DHCR7: variants seen among roughly 807,000 people sequenced by gnomAD.
DHCR7 encodes the protein 7-DHC reductase.
In DHCR7, 40 loss-of-function variants were observed where a neutral mutation model predicts 43.3. That is an observed-to-expected ratio of 0.92 (90% CI 0.72 to 1.20). The LOEUF is 1.20. DHCR7 is among the 50% of genes most tolerant of loss of function. The probability of loss-of-function intolerance (pLI) is 0.00; values close to 1 mark genes in which losing one functional copy is unlikely to be tolerated. For missense variants in DHCR7, 608 were observed against 644.6 expected (o/e 0.94, Z 0.62); for synonymous variants, 298 against 271.4 (o/e 1.10, Z -0.96).
intron 2 of DHCR7, among the ~76,000 whole-genome samples, chr11:71,446,816 T>C (rs1192309734): frequency 2.6e-5 from 4 of 152,248 alleles, no homozygotes; most frequent in Non-Finnish European, 5.9e-5. Context: ...ACCGTGTCTC[T>C]CTCCGGCCCC....
rs201466849 is a variant in DHCR7 at position 71,442,275 on chromosome 11, C to A, written c.400G>T (p.Val134Leu). The A allele has an allele frequency of 6.1e-5, 98 of 1,612,810 alleles. No homozygotes were observed. The African/African-American group carries it at 1.1e-3, about 18-fold the overall frequency. ...GGGAGGAGGCTACCTGCAGGAGTCA[C>A]GGCCCCCTCCTGGATGCCTCCTACG... ...GYVGGIQEGA[V>L]TPAGVVNKYQ... The change falls in exon 5 of 9, where the codon GTG (valine) becomes TTG (leucine). Residue 134 changes from valine (V) to leucine (L), a missense_variant. Coordinates refer to ENST00000355527, the MANE Select transcript of DHCR7 (RefSeq NM_001360.3).
chr11:71,435,155 G>C lies in DHCR7; in HGVS notation c.*220C>G, dbSNP rs1949257242. The stretch of plus-strand genomic sequence containing the variant: ...CACTGATTAGAGAAAATCCGTCTGT[G>C]CTGGCAATACGGCAGTGCTGGACAC... On this transcript the variant is annotated 3_prime_UTR_variant, in exon 9 of 9. Coordinates refer to ENST00000355527, the MANE Select transcript of DHCR7 (RefSeq NM_001360.3). 1.4e-6 allele frequency: 1 copy of C among 695,198 alleles called. No individual in the cohort carries two copies. Among genetic ancestry groups the C allele is most frequent in the Admixed American group, 2.0e-5 (1 of 49,614 alleles). 43.1% of individuals were successfully genotyped at this position (695,198 alleles called of 1,614,324 possible). A position where few individuals can be genotyped will look rare whatever the true frequency, so the allele number is the denominator to read the frequency against.
chr11:71,437,279 G>A (rs1949293907), intron 8 of DHCR7, among the ~76,000 whole-genome samples: 1 of 152,198 alleles, frequency 6.6e-6, no homozygotes, highest in South Asian at 2.1e-4. Flanking sequence ...AGTGCCCTGG[G>A]GTGAGTTATT....
At chr11:71,440,258 A>G (rs1949334391) in intron 6 of DHCR7, among the ~76,000 whole-genome samples, 1 of 152,202 alleles carries the variant, frequency 6.6e-6, no homozygotes, top group Non-Finnish European at 1.5e-5. Flanking sequence ...GTTGACCTGG[A>G]TGAGATGATG....
At chr11:71,445,728 TG>T (rs1949397646) in intron 2 of DHCR7, among the ~76,000 whole-genome samples, 1 of 152,208 alleles carries the variant, frequency 6.6e-6, no homozygotes, top group Admixed American at 6.5e-5. Context: ...CTGCTCTACA[TG>T]GTTATAATTT....
At chr11:71,437,983 CT>C in intron 7 of DHCR7, 40 bp from the exon 8 acceptor site, 1 of 1,607,894 alleles carries the variant, frequency 6.2e-7, no homozygotes, top group Non-Finnish European at 8.5e-7. Flanking sequence ...CCCGGCCCTC[CT>C]GGGGCCCCCA....
chr11:71,441,397 G>A lies in DHCR7; in HGVS notation c.456C>T (p.Leu152=). The part of the protein sequence containing the change: ...KYQINGLQAW[L]LTHLLWFANA... ...TTGCAAACCAGAGCAGGTGCGTGAG[G>A]AGCCAGGCTTGCAGGCCATTGATCT... Residue 152 remains leucine, a synonymous_variant, in exon 6 of 9, where the codon CTC becomes CTT. Transcript: ENST00000355527. 5 of 1,614,112 alleles carry A rather than the reference G, an allele frequency of 3.1e-6. 1 individual carries two copies. Among genetic ancestry groups the A allele is most frequent in the South Asian group, 2.2e-5 (2 of 91,072 alleles).
At chr11:71,441,095 C>T in intron 6 of DHCR7, 132 bp downstream of exon 6, 2 of 843,624 alleles carry the variant, frequency 2.4e-6, no homozygotes, top group Middle Eastern at 3.2e-4. Context: ...GAAGCAAGTT[C>T]CATCCCCCTC....
intron 7 of DHCR7, 103 bp downstream of exon 7, chr11:71,438,774 CTT>C: frequency 1.6e-6 from 2 of 1,264,134 alleles, no homozygotes; most frequent in Non-Finnish European, 2.2e-6. Flanking sequence ...AGCTGACTCT[CTT>C]TTACAAGCAG....
chr11:71,439,237 C>G (rs1949324243), intron 6 of DHCR7, among the ~76,000 whole-genome samples, 154 bp from the exon 7 acceptor site: 1 of 152,218 alleles, frequency 6.6e-6, no homozygotes, highest in Admixed American at 6.5e-5. Context: ...CTGGGACCCC[C>G]ACGGCTGGAA....
intron 7 of DHCR7, 101 bp downstream of exon 7, chr11:71,438,778 T>C: frequency 1.6e-6 from 2 of 1,283,974 alleles, no homozygotes; most frequent in East Asian, 4.9e-5. Context: ...GACTCTCTTT[T>C]ACAAGCAGTA....
chr11:71,447,422 A>C (rs1211236727), intron 2 of DHCR7, among the ~76,000 whole-genome samples, 188 bp downstream of exon 2: 1 of 152,212 alleles, frequency 6.6e-6, no homozygotes, highest in African/African-American at 2.4e-5. Context: ...ATAAACATCT[A>C]AGTAACATCC....
rs372267559 is a variant in DHCR7 at position 71,439,270 on chromosome 11, G to A, written c.627-187C>T. Among the ~76,000 whole-genome samples, 95 of 152,262 alleles carry A rather than the reference G, an allele frequency of 6.2e-4. 1 individual carries two copies. The highest frequency in any genetic ancestry group is 2.0e-3 in the Admixed American group (30 of 15,294). On this transcript the variant is annotated intron_variant, in intron 6 of 8. Coordinates refer to ENST00000355527, the MANE Select transcript of DHCR7 (RefSeq NM_001360.3). ...GAATGCTTGTCGGCTGGTTCCTGGC[G>A]CCCTCATTCACTTTGCTTTGCATTC... is the stretch of plus-strand genomic sequence containing the variant.
Position 71,434,919 on chromosome 11 carries a change from G to A in DHCR7, c.*456C>T, listed in dbSNP as rs1428536002. The A allele has an allele frequency of 5.5e-6, 2 of 361,740 alleles. No individual in the cohort carries two copies. The allele number at this position is 361,740 out of a possible 1,614,324, so 22.4% of individuals were successfully genotyped here. ...CGACTGCAGAGCAGGCAGGGGAGGGGGATCTAGAGCTGAAAGGCAATACAT... is the reference window on the plus strand; with the variant it reads ...CGACTGCAGAGCAGGCAGGGGAGGGAGATCTAGAGCTGAAAGGCAATACAT... On this transcript the variant is annotated 3_prime_UTR_variant, in exon 9 of 9. Transcript: ENST00000355527.
downstream of DHCR7, among the ~76,000 whole-genome samples, chr11:71,430,818 G>A (rs1464653262): frequency 6.6e-6 from 1 of 152,212 alleles, no homozygotes; most frequent in African/African-American, 2.4e-5. Flanking sequence ...TATAGGTACA[G>A]GATGGGGAGT....
In DHCR7 at chr11:71,434,766, G is replaced by A; in HGVS notation, c.*609C>T. 1 of 288,716 alleles carries A rather than the reference G, an allele frequency of 3.5e-6. No homozygotes were observed. Among genetic ancestry groups the A allele is most frequent in the South Asian group, 3.2e-5 (1 of 31,200 alleles). The allele number at this position is 288,716 out of a possible 1,614,324, so 17.9% of individuals were successfully genotyped here. A position where few individuals can be genotyped will look rare whatever the true frequency, so the allele number is the denominator to read the frequency against. On this transcript the variant is annotated 3_prime_UTR_variant, in exon 9 of 9. Transcript: ENST00000355527. ...ACCTCTCTGAGGTCTGCAGACTCCA[G>A]GCAGAGCACTCCTGGCAGCTGTGCA...
rs1236250240 is a variant in DHCR7 at position 71,447,667 on chromosome 11, G to A, written c.-64C>T. ...AAGGGAACTTTTCCTTCTTGAACCG[G>A]CCCCTTAAAAGTTTCTAGACACCTG... On this transcript the variant is annotated 5_prime_UTR_variant, in exon 2 of 9. Transcript: ENST00000355527. The A allele has an allele frequency of 6.6e-6, 1 of 152,212 alleles. No individual in the cohort carries two copies. Among genetic ancestry groups the A allele is most frequent in the African/African-American group, 2.4e-5 (1 of 41,424 alleles). The allele number at this position is 152,212 out of a possible 1,614,324, so 9.4% of individuals were successfully genotyped here. A position where few individuals can be genotyped will look rare whatever the true frequency, so the allele number is the denominator to read the frequency against.
chr11:71,429,949 C>T (rs113421746), downstream of DHCR7, among the ~76,000 whole-genome samples: 1,543 of 152,268 alleles, frequency 0.01, 10 homozygotes, highest in Middle Eastern at 0.024. Flanking sequence ...CATTGAGTTT[C>T]CAAAAGCCAG....
upstream of DHCR7, chr11:71,448,466 CG>C (rs1013544473): frequency 2.0e-5 from 3 of 152,294 alleles, no homozygotes; most frequent in Non-Finnish European, 4.4e-5. Context: ...GCACGCCCGG[CG>C]GCTCCGCGCC....
Sources: gnomAD v4.1 joint callset for allele counts (sites outside exome capture counted in the v4.1 genomes callset) on GRCh38, gnomAD v4.1.1 for gene constraint, MANE v1.5 for transcripts, NCBI Gene and HGNC (gene_info 2026-07-23, HGNC 2026-07-21) for gene names.